The following SYNPR variants were observed in gnomAD, a reference collection of about 807,000 sequenced individuals.
SYNPR encodes synaptoporin.
A neutral mutation model predicts 32.9 loss-of-function variants in SYNPR; 23 were observed. That is an observed-to-expected ratio of 0.70 (90% CI 0.50 to 0.99). SYNPR has a LOEUF of 0.99. SYNPR is among the 50% of genes least tolerant of loss of function. The pLI is 0.00. For synonymous variants in SYNPR, 146 were observed against 135.9 expected, an observed-to-expected ratio of 1.07 and a Z score of -0.52; for missense variants, 318 against 349.3, an observed-to-expected ratio of 0.91 and a Z score of 0.71.
At chr3:63,435,573 G>A (rs1220931893) in intron 2 of SYNPR, among the ~76,000 whole-genome samples, 1 of 152,172 alleles carries the variant, frequency 6.6e-6, no homozygotes, top group African/African-American at 2.4e-5. Flanking sequence ...GTGGAACCCT[G>A]GTTCCTTTGA....
intron 3 of SYNPR, chr3:63,545,357 T>C (rs1485838597): frequency 6.6e-6 from 1 of 152,102 alleles, no homozygotes; most frequent in Non-Finnish European, 1.5e-5. Flanking sequence ...CTAATAAGAA[T>C]CTAACAAAAC....
intron 2 of SYNPR, among the ~76,000 whole-genome samples, chr3:63,442,223 T>C (rs1370535580): frequency 7.1e-6 from 1 of 141,352 alleles, no homozygotes; most frequent in African/African-American, 2.7e-5. Context: ...GAGACAGAGA[T>C]ACAAAGAGAC....
At chr3:63,408,691 C>T (rs2088421888) in intron 2 of SYNPR, among the ~76,000 whole-genome samples, 2 of 152,164 alleles carry the variant, frequency 1.3e-5, no homozygotes, top group South Asian at 4.1e-4. Flanking sequence ...CACCTTTCCT[C>T]TGCCTTTTTG....
At chr3:63,241,483 T>C (rs1379558682) in intron 1 of SYNPR, among the ~76,000 whole-genome samples, 2 of 152,124 alleles carry the variant, frequency 1.3e-5, no homozygotes, top group Non-Finnish European at 2.9e-5. Context: ...GGTTTGAGAA[T>C]GGGTATATGA....
chr3:63,549,082 T>TA (rs1702459106), intron 3 of SYNPR, among the ~76,000 whole-genome samples: 2 of 152,230 alleles, frequency 1.3e-5, no homozygotes, highest in Non-Finnish European at 2.9e-5. Flanking sequence ...CAGGTTCATT[T>TA]ACCCTTTACT....
chr3:63,298,797 C>T (rs1304262236), intron 2 of SYNPR, among the ~76,000 whole-genome samples: 1 of 152,144 alleles, frequency 6.6e-6, no homozygotes, highest in Non-Finnish European at 1.5e-5. Context: ...ATAGTGAGTA[C>T]TTGATCTAAA....
the SYNPR span, chr3:63,203,068 G>GTGTGTATGTATATATATATATATATA: frequency 5.5e-5 from 6 of 108,576 alleles, no homozygotes; most frequent in African/African-American, 2.7e-4. Flanking sequence ...ATATGTATGT[G>GTGTGTATGTATATATATATATATATA]TATATATATA....
intron 2 of SYNPR, among the ~76,000 whole-genome samples, chr3:63,281,682 C>T (rs1189286335): frequency 2.0e-5 from 3 of 152,128 alleles, no homozygotes; most frequent in African/African-American, 4.8e-5. Flanking sequence ...CCAAAGGCCC[C>T]ACCCCCTAAG....
chr3:63,481,364 C>A (rs1701043799), intron 3 of SYNPR, among the ~76,000 whole-genome samples: 1 of 151,758 alleles, frequency 6.6e-6, no homozygotes, highest in Admixed American at 6.6e-5. Context: ...ACTGTAGAAA[C>A]TTCTTCTTCA....
At chr3:63,237,998 T>C (rs1414233304) in intron 1 of SYNPR, among the ~76,000 whole-genome samples, 1 of 152,146 alleles carries the variant, frequency 6.6e-6, no homozygotes, top group Non-Finnish European at 1.5e-5. Flanking sequence ...TGCTTGATGT[T>C]GTTGGTGGGA....
chr3:63,302,468 A>AT (rs1553865576), intron 2 of SYNPR, among the ~76,000 whole-genome samples: 1 of 152,114 alleles, frequency 6.6e-6, no homozygotes, highest in Non-Finnish European at 1.5e-5. Context: ...CACATGGATT[A>AT]TAAGTTGCAG....
chr3:63,237,187 T>C (rs2086206675), intron 1 of SYNPR, among the ~76,000 whole-genome samples: 2 of 152,176 alleles, frequency 1.3e-5, no homozygotes, highest in African/African-American at 4.8e-5. Context: ...ATGTTGTATA[T>C]ACAGGGTATT....
chr3:63,461,595 A>T (rs886665517), intron 2 of SYNPR, among the ~76,000 whole-genome samples: 1 of 151,932 alleles, frequency 6.6e-6, no homozygotes, highest in Non-Finnish European at 1.5e-5. Flanking sequence ...GTGGCATCCA[A>T]AGAAATCTAG....
chr3:63,300,524 A>G (rs1459024343), intron 2 of SYNPR, among the ~76,000 whole-genome samples: 2 of 152,036 alleles, frequency 1.3e-5, no homozygotes, highest in Non-Finnish European at 2.9e-5. Flanking sequence ...GTTACTGCAT[A>G]GCCTTTTCTC....
chr3:63,398,369 C>G lies in SYNPR; in HGVS notation c.85-82463C>G, dbSNP rs556779865. On this transcript the variant is annotated intron_variant, in intron 2 of 5. Coordinates refer to ENST00000478300, the MANE Select transcript of SYNPR (RefSeq NM_001130003.2). ...TATCTAGAATGAAGAGATATGCACTCTTTATTCTCTGCCATGTCAAATATA... is the reference window on the plus strand; with the variant it reads ...TATCTAGAATGAAGAGATATGCACTGTTTATTCTCTGCCATGTCAAATATA... Among the ~76,000 whole-genome samples, 6 of 152,282 alleles carry G rather than the reference C, an allele frequency of 3.9e-5. No individual in the cohort carries two copies. In the South Asian group the frequency reaches 1.0e-3, roughly 26 times the overall value.
intron 4 of SYNPR, among the ~76,000 whole-genome samples, chr3:63,558,453 C>T (rs555508406): frequency 1.1e-4 from 17 of 152,240 alleles, no homozygotes; most frequent in South Asian, 8.3e-4. Context: ...CCACCTCAGC[C>T]TCCCAAGTAG....
chr3:63,495,224 G>A (rs1701349954), intron 3 of SYNPR, among the ~76,000 whole-genome samples: 1 of 152,212 alleles, frequency 6.6e-6, no homozygotes, highest in Admixed American at 6.5e-5. Flanking sequence ...CTGTTAAGGA[G>A]TCACACAAAT....
intron 2 of SYNPR, among the ~76,000 whole-genome samples, chr3:63,349,692 G>T (rs2087480724): frequency 6.6e-6 from 1 of 152,036 alleles, no homozygotes; most frequent in Non-Finnish European, 1.5e-5. Flanking sequence ...TATAAAATTT[G>T]TTTTTTGGAG....
intron 2 of SYNPR, among the ~76,000 whole-genome samples, chr3:63,372,000 T>G (rs2087818604): frequency 6.6e-6 from 1 of 152,070 alleles, no homozygotes; most frequent in Non-Finnish European, 1.5e-5. Context: ...ATCCCCACTC[T>G]TCACCAGACT....
Sources: allele counts gnomAD v4.1 joint callset (sites outside exome capture counted in the v4.1 genomes callset), GRCh38; gene constraint gnomAD v4.1.1; transcripts MANE v1.5; gene names NCBI Gene and HGNC (gene_info 2026-07-23, HGNC 2026-07-21).